Variants in SGCD observed in about 807,000 individuals in gnomAD.
SGCD encodes the protein sarcoglycan delta.
Under a neutral mutation model 36.6 loss-of-function variants are expected in SGCD, and 18 were observed. The ratio of observed to expected loss-of-function variants is 0.49; its 90% confidence interval spans 0.34 to 0.73. The LOEUF (loss-of-function observed/expected upper bound fraction) is 0.73. Ranked by LOEUF, SGCD falls within the 30% of genes least tolerant of loss-of-function variation. The probability of loss-of-function intolerance (pLI) is 0.01; values close to 1 mark genes in which losing one functional copy is unlikely to be tolerated. For missense variants in SGCD, 387 were observed against 346.7 expected, an observed-to-expected ratio of 1.12 and a Z score of -0.92; for synonymous variants, 133 against 130.6, an observed-to-expected ratio of 1.02 and a Z score of -0.12.
At chr5:156,694,642 T>TA (rs1754237024) in intron 7 of SGCD, among the ~76,000 whole-genome samples, 1 of 152,168 alleles carries the variant, frequency 6.6e-6, no homozygotes, top group Non-Finnish European at 1.5e-5. Flanking sequence ...ATTTCCTAAA[T>TA]ACAAAAATAA....
chr5:156,318,165 T>C (rs1311030157), intron 3 of SGCD, among the ~76,000 whole-genome samples: 2 of 152,162 alleles, frequency 1.3e-5, no homozygotes, highest in East Asian at 1.9e-4. Context: ...AAATTAGAAA[T>C]ACAAATTTTT....
chr5:156,753,024 G>T (rs115666006), intron 7 of SGCD, among the ~76,000 whole-genome samples: 1,978 of 152,168 alleles, frequency 0.013, 11 homozygotes, highest in Non-Finnish European at 0.022. Context: ...GACTAGAGCC[G>T]TGCTTCTCAA....
chr5:156,358,187 A>G (rs1769586463), intron 3 of SGCD, among the ~76,000 whole-genome samples: 1 of 152,220 alleles, frequency 6.6e-6, no homozygotes, highest in Non-Finnish European at 1.5e-5. Context: ...GAAAAGTATC[A>G]TTTGGGTCAC....
intron 3 of SGCD, among the ~76,000 whole-genome samples, chr5:156,368,826 A>G (rs895583768): frequency 2.0e-5 from 3 of 152,216 alleles, no homozygotes; most frequent in African/African-American, 7.2e-5. Context: ...GGTTGCAGGA[A>G]AACAAGCTCA....
chr5:155,837,141 A>G, the SGCD span, among the ~76,000 whole-genome samples: 1 of 152,018 alleles, frequency 6.6e-6, no homozygotes, highest in African/African-American at 2.4e-5. Context: ...AGGATTTTTA[A>G]TTTTTAAATT....
At chr5:156,163,786 C>T (rs561213485) in intron 3 of SGCD, among the ~76,000 whole-genome samples, 11 of 151,286 alleles carry the variant, frequency 7.3e-5, no homozygotes, top group Admixed American at 4.6e-4. Context: ...TTTGGGAGGC[C>T]GAGGCGGGTG....
chr5:155,844,820 A>G, the SGCD span, among the ~76,000 whole-genome samples: 3,569 of 152,306 alleles, frequency 0.023, 124 homozygotes, highest in African/African-American at 0.078. Context: ...GAATCATCCA[A>G]TGCATGCCAT....
chr5:155,762,668 G>A, the SGCD span, among the ~76,000 whole-genome samples: 378 of 152,238 alleles, frequency 2.5e-3, 3 homozygotes, highest in African/African-American at 7.4e-3. Context: ...CCAGCAGCTG[G>A]ACCAGCTGGG....
chr5:155,898,366 T>A (rs1455147318), intron 1 of SGCD, among the ~76,000 whole-genome samples: 2 of 152,234 alleles, frequency 1.3e-5, no homozygotes, highest in African/African-American at 4.8e-5. Context: ...AATTAATTCA[T>A]CCAACAGACT....
rs1757526560 is a variant in SGCD at position 156,763,088 on chromosome 5, A to G, written c.*3698A>G. On this transcript the variant is annotated 3_prime_UTR_variant, in exon 9 of 9. Coordinates refer to ENST00000337851, the MANE Select transcript of SGCD (RefSeq NM_000337.6). ...TTAGTGGAAGCTTAATGGAAAAGGA[A>G]AGTTATGATCCTCCAAGACCCTTAA... 6.6e-6 allele frequency: 1 copy of G among 152,640 alleles called. No homozygotes were observed. The highest frequency in any genetic ancestry group is 1.9e-4 in the East Asian group (1 of 5,202). The allele number at this position is 152,640 out of a possible 1,614,324, so 9.5% of individuals were successfully genotyped here. A position where few individuals can be genotyped will look rare whatever the true frequency, so the allele number is the denominator to read the frequency against.
chr5:156,252,203 C>T (rs1286597948), intron 3 of SGCD, among the ~76,000 whole-genome samples: 1 of 151,726 alleles, frequency 6.6e-6, no homozygotes, highest in Non-Finnish European at 1.5e-5. Flanking sequence ...GAGTATTAAT[C>T]CCCTCCTGGG....
chr5:156,087,534 G>T (rs1761129303), intron 1 of SGCD, among the ~76,000 whole-genome samples: 1 of 151,692 alleles, frequency 6.6e-6, no homozygotes, highest in South Asian at 2.1e-4. Flanking sequence ...CAGCTACTCA[G>T]GAGGCTGTGG....
the SGCD span, among the ~76,000 whole-genome samples, chr5:155,849,232 G>A: frequency 6.6e-6 from 1 of 152,100 alleles, no homozygotes; most frequent in Non-Finnish European, 1.5e-5. Flanking sequence ...ATTTTTAGAC[G>A]CTAATGTTCG....
chr5:156,320,941 G>T (rs10079754), intron 3 of SGCD, among the ~76,000 whole-genome samples: 1 of 151,966 alleles, frequency 6.6e-6, no homozygotes, highest in Non-Finnish European at 1.5e-5. Context: ...CTTCCCATCA[G>T]GTATTATTTA....
chr5:156,286,405 C>A (rs1005133607), intron 3 of SGCD, among the ~76,000 whole-genome samples: 1 of 152,280 alleles, frequency 6.6e-6, no homozygotes, highest in East Asian at 1.9e-4. Flanking sequence ...TTCACAATAG[C>A]AAGGACTTGG....
At chr5:156,525,471 T>C (rs2113068369) in intron 4 of SGCD, among the ~76,000 whole-genome samples, 1 of 152,226 alleles carries the variant, frequency 6.6e-6, no homozygotes, top group East Asian at 1.9e-4. Context: ...AGTTTTATTA[T>C]TAATCCATTA....
At chr5:156,217,288 T>G (rs1027567735) in intron 3 of SGCD, among the ~76,000 whole-genome samples, 2 of 152,174 alleles carry the variant, frequency 1.3e-5, no homozygotes, top group Non-Finnish European at 1.5e-5. Context: ...CTGTGAAAAT[T>G]TTTAAATTTG....
intron 3 of SGCD, among the ~76,000 whole-genome samples, chr5:156,256,785 G>A (rs1156551384): frequency 1.3e-5 from 2 of 152,142 alleles, no homozygotes; most frequent in East Asian, 1.9e-4. Context: ...AATATTGCAG[G>A]AGGTTCTCAA....
At chr5:156,101,582 T>G (rs774063004) in intron 1 of SGCD, among the ~76,000 whole-genome samples, 10 of 152,216 alleles carry the variant, frequency 6.6e-5, no homozygotes, top group African/African-American at 2.4e-4. Context: ...ATATCTTTTG[T>G]ATTTGAAAAT....
Sources: allele counts gnomAD v4.1 joint callset (sites outside exome capture counted in the v4.1 genomes callset), GRCh38; gene constraint gnomAD v4.1.1; transcripts MANE v1.5; gene names NCBI Gene and HGNC (gene_info 2026-07-23, HGNC 2026-07-21).